The following IGSF10 variants were observed in gnomAD, a reference collection of about 807,000 sequenced individuals.
IGSF10 encodes the protein immunoglobulin superfamily member 10.
In IGSF10, 126 loss-of-function variants were observed where a neutral mutation model predicts 128.2. That is an observed-to-expected ratio of 0.98 (90% CI 0.85 to 1.14). The LOEUF (loss-of-function observed/expected upper bound fraction) is 1.14, where lower values mean the gene tolerates loss of function less well. Ranked by LOEUF, IGSF10 falls within the 50% of genes most tolerant of loss-of-function variation. The pLI is 0.00. For synonymous variants in IGSF10, 1,185 were observed against 1,146.2 expected, an observed-to-expected ratio of 1.03 and a Z score of -0.68; for missense variants, 3,295 against 3,149.8, an observed-to-expected ratio of 1.05 and a Z score of -1.10.
the IGSF10 span, among the ~76,000 whole-genome samples, chr3:151,524,965 A>C: frequency 7.2e-6 from 1 of 139,600 alleles, no homozygotes; most frequent in Non-Finnish European, 1.5e-5. Context: ...AATATGAAAT[A>C]GATAATCTTT....
At chr3:151,482,629 A>C in the IGSF10 span, among the ~76,000 whole-genome samples, 1 of 152,242 alleles carries the variant, frequency 6.6e-6, no homozygotes, top group Non-Finnish European at 1.5e-5. Context: ...AGCTTCTTTA[A>C]TAAAATAATT....
chr3:151,539,759 C>T, the IGSF10 span, among the ~76,000 whole-genome samples: 1 of 147,094 alleles, frequency 6.8e-6, no homozygotes, highest in Non-Finnish European at 1.5e-5. Context: ...AGCATTATTT[C>T]AACAGCATCT....
At chr3:151,597,339 G>A in the IGSF10 span, among the ~76,000 whole-genome samples, 34 of 152,284 alleles carry the variant, frequency 2.2e-4, 1 homozygote, top group Admixed American at 1.1e-3. Flanking sequence ...GACAAATATA[G>A]AGAGCTAGAA....
At chr3:151,480,690 A>G in the IGSF10 span, among the ~76,000 whole-genome samples, 1 of 151,892 alleles carries the variant, frequency 6.6e-6, no homozygotes, top group Middle Eastern at 3.4e-3. Flanking sequence ...CTGCTTGGGT[A>G]TAGCTGCTGC....
the IGSF10 span, among the ~76,000 whole-genome samples, chr3:151,556,040 T>C: frequency 6.6e-6 from 1 of 152,172 alleles, no homozygotes; most frequent in Non-Finnish European, 1.5e-5. Flanking sequence ...ATATGAGCAG[T>C]GGGATGAAAT....
the IGSF10 span, among the ~76,000 whole-genome samples, chr3:151,577,981 A>T: frequency 6.6e-6 from 1 of 152,154 alleles, no homozygotes; most frequent in South Asian, 2.1e-4. Flanking sequence ...CTGCAAGTCC[A>T]TCTATGTTGT....
At chr3:151,587,247 A>T in the IGSF10 span, among the ~76,000 whole-genome samples, 2 of 152,186 alleles carry the variant, frequency 1.3e-5, no homozygotes, top group African/African-American at 4.8e-5. Flanking sequence ...TTAGGATCTG[A>T]ATCAGAGTAT....
chr3:151,517,692 A>C, the IGSF10 span, among the ~76,000 whole-genome samples: 1 of 151,950 alleles, frequency 6.6e-6, no homozygotes, highest in African/African-American at 2.4e-5. Flanking sequence ...AGGAATTTTT[A>C]AACAAAGTTA....
chr3:151,558,024 T>C, the IGSF10 span, among the ~76,000 whole-genome samples: 3 of 31,044 alleles, frequency 9.7e-5, 1 homozygote, highest in Admixed American at 1.5e-3. Flanking sequence ...ATATAATATA[T>C]ATATTGGTAC....
the IGSF10 span, among the ~76,000 whole-genome samples, chr3:151,617,758 G>C: frequency 6.6e-6 from 1 of 152,112 alleles, no homozygotes; most frequent in Non-Finnish European, 1.5e-5. Context: ...TTAATCCCCA[G>C]TGTAACAGTA....
At chr3:151,479,442 C>T in the IGSF10 span, among the ~76,000 whole-genome samples, 67 of 152,010 alleles carry the variant, frequency 4.4e-4, 1 homozygote, top group Non-Finnish European at 1.0e-4. Context: ...TTATTTTCCG[C>T]TCTTTTTTAG....
At chr3:151,602,001 A>G in the IGSF10 span, among the ~76,000 whole-genome samples, 1 of 152,100 alleles carries the variant, frequency 6.6e-6, no homozygotes, top group South Asian at 2.1e-4. Flanking sequence ...AAGCATTGCT[A>G]TCAATCAAGT....
upstream of IGSF10, among the ~76,000 whole-genome samples, chr3:151,462,937 T>C (rs1722119098): frequency 6.6e-6 from 1 of 152,238 alleles, no homozygotes; most frequent in Non-Finnish European, 1.5e-5. Context: ...AGTTTATCTT[T>C]CTCCCAAAGC....
chr3:151,443,966 T>A, intron 6 of IGSF10, 82 bp from the exon 7 acceptor site: 1 of 1,072,648 alleles, frequency 9.3e-7, no homozygotes, highest in Non-Finnish European at 1.3e-6. Context: ...TTTGGGCTAC[T>A]AAGAATACAT....
chr3:151,437,661 A>G lies in IGSF10; in HGVS notation c.6900T>C (p.Ile2300=). The G allele has an allele frequency of 1.9e-6, 3 of 1,614,104 alleles. No individual in the cohort carries two copies. Among genetic ancestry groups the G allele is most frequent in the Non-Finnish European group, 2.5e-6 (3 of 1,180,024 alleles). ...ITVHKNGTLE[I]RNVRLSDSAD... is the part of the protein sequence containing the mutation. ...CTGAATCTGAAAGCCTCACATTCCTAATTTCCAAGGTTCCATTTTTATGGA... is the reference window on the plus strand; with the variant it reads ...CTGAATCTGAAAGCCTCACATTCCTGATTTCCAAGGTTCCATTTTTATGGA... Residue 2300 remains isoleucine (I), a synonymous_variant, in exon 8 of 8, where the codon ATT becomes ATC. Transcript: ENST00000282466.
intron 2 of IGSF10, 42 bp from the exon 3 acceptor site, chr3:151,458,752 G>A (rs1721923822): frequency 6.5e-7 from 1 of 1,544,352 alleles, no homozygotes. Flanking sequence ...GAGTGGTGGA[G>A]CAAAGTCCCA....
At chr3:151,531,070 T>C in the IGSF10 span, among the ~76,000 whole-genome samples, 109 of 151,812 alleles carry the variant, frequency 7.2e-4, no homozygotes, top group East Asian at 0.021. Context: ...TTTAAAACAA[T>C]AAAAATTGAA....
the IGSF10 span, among the ~76,000 whole-genome samples, chr3:151,502,443 G>A: frequency 2.6e-5 from 4 of 151,896 alleles, no homozygotes; most frequent in African/African-American, 4.8e-5. Context: ...TAGTATTTTG[G>A]CATGCTATTT....
chr3:151,510,229 A>T, the IGSF10 span, among the ~76,000 whole-genome samples: 1 of 152,188 alleles, frequency 6.6e-6, no homozygotes, highest in Non-Finnish European at 1.5e-5. Context: ...AACCCCCAGT[A>T]GGGGCGGACT....
Sources: allele counts gnomAD v4.1 joint callset (sites outside exome capture counted in the v4.1 genomes callset), GRCh38; gene constraint gnomAD v4.1.1; transcripts MANE v1.5; gene names NCBI Gene and HGNC (gene_info 2026-07-23, HGNC 2026-07-21).